Variants in DDO observed in about 807,000 individuals in gnomAD.
DDO encodes the protein D-aspartate oxidase, DDO.
In DDO, 16 loss-of-function variants were observed where a neutral mutation model predicts 16.8. The ratio of observed to expected loss-of-function variants is 0.95; its 90% CI spans 0.65 to 1.45. DDO has a LOEUF of 1.45. Among genes scored for constraint, DDO ranks in the 40% most tolerant of loss-of-function variants. The probability of loss-of-function intolerance (pLI) is 0.00; values close to 1 mark genes in which losing one functional copy is unlikely to be tolerated. For missense variants in DDO, 429 were observed against 420.3 expected (o/e 1.02, Z -0.18); for synonymous variants, 180 against 167.2 (o/e 1.08, Z -0.59).
chr6:110,412,849 A>T (rs1032530772), intron 2 of DDO, among the ~76,000 whole-genome samples: 6 of 152,192 alleles, frequency 3.9e-5, no homozygotes, highest in Non-Finnish European at 5.9e-5. Flanking sequence ...AACCAACAGG[A>T]TGTTAAAACC....
At chr6:110,397,649 C>T (rs888832350) in intron 4 of DDO, among the ~76,000 whole-genome samples, 2 of 152,102 alleles carry the variant, frequency 1.3e-5, no homozygotes, top group Non-Finnish European at 2.9e-5. Flanking sequence ...TTTTCTTTTC[C>T]ATTTCAAGGG....
chr6:110,396,723 T>C (rs1333758893), intron 4 of DDO, among the ~76,000 whole-genome samples: 1 of 150,760 alleles, frequency 6.6e-6, no homozygotes, highest in Non-Finnish European at 1.5e-5. Flanking sequence ...TTGTTTGTTT[T>C]ATAAGTAAAA....
At chr6:110,400,903 G>C (rs1247983664) in intron 4 of DDO, among the ~76,000 whole-genome samples, 2 of 152,228 alleles carry the variant, frequency 1.3e-5, no homozygotes, top group Non-Finnish European at 2.9e-5. Flanking sequence ...CAGTGAGTGT[G>C]TGGGGCTCGG....
chr6:110,392,050 G>T lies in DDO; in HGVS notation c.*725C>A. 3.2e-6 allele frequency: 1 copy of T among 308,968 alleles called. No homozygotes were observed. The highest frequency in any genetic ancestry group is 6.5e-5 in the Admixed American group (1 of 15,488). 19.1% of individuals were successfully genotyped at this position (308,968 alleles called of 1,614,324 possible). On this transcript the variant is annotated 3_prime_UTR_variant, in exon 5 of 5. Transcript: ENST00000368924. ...TTTGACCCCAGGCAGCTATTGAATT[G>T]ATATGACATACATAGGCAACTTCAT...
rs201572167 is a variant in DDO, at chr6:110,413,442, T to A, written c.21A>T (p.Ala7=). 6.2e-7 allele frequency: 1 copy of A among 1,613,620 alleles called. No individual in the cohort carries two copies. The highest frequency in any genetic ancestry group is 8.5e-7 in the Non-Finnish European group (1 of 1,179,998). MDTARI[A]VVGAGVVGLS... is the part of the protein sequence containing the mutation. ...GCCCCACCACACCTGCCCCGACAAC[T>A]GCAATCCGTGCTGTGTCCATGAGCC... is the stretch of plus-strand genomic sequence containing the variant. Residue 7 remains alanine (A), a synonymous_variant, in exon 2 of 5, where the codon GCA becomes GCT. Transcript: ENST00000368924.
chr6:110,390,000 G>C (rs748867658), downstream of DDO, among the ~76,000 whole-genome samples: 1 of 152,200 alleles, frequency 6.6e-6, no homozygotes, highest in Non-Finnish European at 1.5e-5. Flanking sequence ...TTGTCTTTCA[G>C]ATAAAGACAG....
chr6:110,402,923 C>T (rs780367039), intron 4 of DDO, among the ~76,000 whole-genome samples: 107 of 152,090 alleles, frequency 7.0e-4, no homozygotes, highest in Non-Finnish European at 1.3e-3. Flanking sequence ...CTGGAGACCA[C>T]AGGGCTCCAG....
chr6:110,395,724 T>C (rs1773268408), intron 4 of DDO, among the ~76,000 whole-genome samples: 2 of 152,184 alleles, frequency 1.3e-5, no homozygotes. Flanking sequence ...TGGTCAATGA[T>C]GGCATGGGTT....
Position 110,413,576 on chromosome 6 carries a change from A to G in DDO, c.-4-110T>C, listed in dbSNP as rs1773939540. The G allele has an allele frequency of 1.6e-5, 17 of 1,096,460 alleles. No homozygotes were observed. The South Asian group carries it at 2.4e-4, about 16-fold the overall frequency. The allele number at this position is 1,096,460 out of a possible 1,614,324, so 67.9% of individuals were successfully genotyped here. ...TAGGTCTTCAGCCACTCAGAATAAG[A>G]CTTAGCCTATTGGTGTTTCTTGTGA... On this transcript the variant is annotated intron_variant, in intron 1 of 4. Transcript: ENST00000368924.
At position 110,392,503 on chromosome 6, in the gene DDO, T is replaced by C. The variant is rs1416866387; in HGVS notation, c.*272A>G. 1.7e-6 allele frequency: 2 copies of C among 1,149,924 alleles called. No individual in the cohort carries two copies. Among genetic ancestry groups the C allele is most frequent in the Non-Finnish European group, 2.1e-6 (2 of 936,918 alleles). The allele number at this position is 1,149,924 out of a possible 1,614,324, so 71.2% of individuals were successfully genotyped here. On this transcript the variant is annotated 3_prime_UTR_variant, in exon 5 of 5. Transcript: ENST00000368924. ...CATGTTGCATCATTTCTTTTGTTGT[T>C]GGTGTTTTTTTTAGAGGTGGGAACT...
intron 4 of DDO, among the ~76,000 whole-genome samples, chr6:110,404,184 T>C (rs1773571335): frequency 1.3e-5 from 2 of 152,218 alleles, no homozygotes; most frequent in African/African-American, 4.8e-5. Context: ...AGCTAAGTAC[T>C]AGTTTCCTGA....
intron 4 of DDO, among the ~76,000 whole-genome samples, chr6:110,402,021 A>G (rs1773501342): frequency 6.6e-6 from 1 of 152,200 alleles, no homozygotes; most frequent in South Asian, 2.1e-4. Context: ...GCAGGACCTC[A>G]ATCCGATCCC....
chr6:110,413,242 A>G (rs765594549), intron 2 of DDO, 49 bp downstream of exon 2: 1 of 1,583,150 alleles, frequency 6.3e-7, no homozygotes, highest in Admixed American at 1.7e-5. Context: ...CACTAACATC[A>G]TTCTATCTGA....
intron 4 of DDO, among the ~76,000 whole-genome samples, chr6:110,401,562 A>C (rs1231077844): frequency 3.9e-5 from 6 of 152,194 alleles, no homozygotes; most frequent in Non-Finnish European, 7.3e-5. Context: ...TTGAACATCA[A>C]AATGATGGGG....
In DDO at chr6:110,412,549, T is replaced by C. The variant is rs1193724480; in HGVS notation, c.172+742A>G. Among the ~76,000 whole-genome samples, 3 of 152,210 alleles carry C rather than the reference T, an allele frequency of 2.0e-5. No homozygotes were observed. The East Asian group carries it at 5.8e-4, about 29-fold the overall frequency. ...CTGAGGGTGGAGACATGTGGCCTGCTCTGCCAATGAGCCATCATCAGAAGC... is the reference window on the plus strand; with the variant it reads ...CTGAGGGTGGAGACATGTGGCCTGCCCTGCCAATGAGCCATCATCAGAAGC... On this transcript the variant is annotated intron_variant, in intron 2 of 4. Coordinates refer to ENST00000368924, the MANE Select transcript of DDO (RefSeq NM_001372108.2).
chr6:110,388,836 A>C, downstream of DDO: 1 of 976,770 alleles, frequency 1.0e-6, no homozygotes, highest in Non-Finnish European at 1.2e-6. Context: ...AGATGTTCTG[A>C]AATAGAAAAC....
intron 2 of DDO, among the ~76,000 whole-genome samples, chr6:110,412,741 C>T (rs1254915732): frequency 1.3e-5 from 2 of 152,242 alleles, no homozygotes; most frequent in Non-Finnish European, 2.9e-5. Context: ...GCTCAATCCA[C>T]ATGTAGTGTG....
chr6:110,408,598 GTGGCAGAGGATC>G (rs6149748), intron 2 of DDO, among the ~76,000 whole-genome samples, 156 bp from the exon 3 acceptor site: 5,161 of 152,318 alleles, frequency 0.034, 236 homozygotes, highest in African/African-American at 0.1. Context: ...GTGCCACATT[GTGGCAGAGGATC>G]TGTCAGCAAC....
At chr6:110,414,080 C>T (rs1435586420) in intron 1 of DDO, among the ~76,000 whole-genome samples, 2 of 152,186 alleles carry the variant, frequency 1.3e-5, no homozygotes, top group Non-Finnish European at 2.9e-5. Context: ...CTTCATCCCC[C>T]TTTCCTAAAC....
Sources: gnomAD v4.1 joint callset for allele counts (sites outside exome capture counted in the v4.1 genomes callset) on GRCh38, gnomAD v4.1.1 for gene constraint, MANE v1.5 for transcripts, NCBI Gene and HGNC (gene_info 2026-07-23, HGNC 2026-07-21) for gene names.